ALK: variants seen among roughly 807,000 people sequenced by gnomAD.
The protein encoded by ALK is ALK tyrosine kinase receptor.
A neutral mutation model predicts 163.1 loss-of-function variants in ALK; 74 were observed. That is an observed-to-expected ratio of 0.45 (90% CI 0.38 to 0.55). ALK has a LOEUF of 0.55. Ranked by LOEUF, ALK falls within the 20% of genes least tolerant of loss-of-function variation. The pLI, the probability that ALK is intolerant of heterozygous loss-of-function variation, is 0.00. For synonymous variants in ALK, 960 were observed against 843.2 expected (o/e 1.14, Z -2.40); for missense variants, 2,063 against 2,105.3 (o/e 0.98, Z 0.39).
At chr2:29,777,723 AT>A in intron 1 of ALK, among the ~76,000 whole-genome samples, 2 of 152,308 alleles carry the variant, frequency 1.3e-5, no homozygotes, top group South Asian at 2.1e-4. Context: ...TGAACTCAGA[AT>A]GTCTAGGATG....
chr2:29,776,994 T>G (rs9973323), intron 1 of ALK, among the ~76,000 whole-genome samples: 10,747 of 152,050 alleles, frequency 0.071, 461 homozygotes, highest in South Asian at 0.12. Context: ...CAATCTACCA[T>G]CAACTAGCTC....
In ALK at chr2:29,227,599, G is replaced by A; in HGVS notation, c.2889C>T (p.Gly963=). The A allele has an allele frequency of 1.2e-6, 2 of 1,614,074 alleles. No homozygotes were observed. The highest frequency in any genetic ancestry group is 1.7e-6 in the Non-Finnish European group (2 of 1,179,984). ...CTTTTAAAGCTGGGGTGTACAGGAT[G>A]CCCAGTGGACTGATGAAGGAAACCC... ...EDGVSFISPL[G]ILYTPALKVM... Residue 963 remains glycine, a synonymous_variant, in exon 17 of 29, where the codon GGC becomes GGT. Transcript: ENST00000389048. The surrounding 1 kb of genome is among the most constrained non-coding windows in gnomAD (Gnocchi z 4.4).
chr2:29,452,278 G>T (rs901743209), intron 4 of ALK, among the ~76,000 whole-genome samples: 1 of 151,516 alleles, frequency 6.6e-6, no homozygotes, highest in African/African-American at 2.4e-5. Context: ...GGCTTTTGCT[G>T]TTGTATGCTT....
chr2:29,777,204 C>T (rs765432912), intron 1 of ALK, among the ~76,000 whole-genome samples: 1 of 152,186 alleles, frequency 6.6e-6, no homozygotes, highest in East Asian at 1.9e-4. Context: ...AGGAGAAAAT[C>T]AGAATCCTAT....
At chr2:29,202,449 C>T (rs1233052101) in intron 26 of ALK, among the ~76,000 whole-genome samples, 1 of 152,224 alleles carries the variant, frequency 6.6e-6, no homozygotes, top group Non-Finnish European at 1.5e-5. Context: ...AATCTTTTGT[C>T]TTATTCTTGT....
chr2:29,474,729 A>T (rs1358530666), intron 4 of ALK, among the ~76,000 whole-genome samples: 1 of 152,244 alleles, frequency 6.6e-6, no homozygotes, highest in East Asian at 1.9e-4. Context: ...TGCAGTACAG[A>T]AACGTATTCG....
chr2:29,747,671 G>A (rs1191843064), intron 1 of ALK, among the ~76,000 whole-genome samples: 1 of 152,214 alleles, frequency 6.6e-6, no homozygotes, highest in East Asian at 1.9e-4. Flanking sequence ...AAGAGCCCCA[G>A]AGACCATTTG....
intron 4 of ALK, among the ~76,000 whole-genome samples, chr2:29,504,635 T>A (rs1672266768): frequency 6.6e-6 from 1 of 151,538 alleles, no homozygotes; most frequent in Non-Finnish European, 1.5e-5. Context: ...TGAGGAAGAA[T>A]CGCAGCCTTG....
chr2:29,226,998 C>T lies in ALK; in HGVS notation c.2991G>A (p.Met997Ile), dbSNP rs1664020868. The change falls in exon 18 of 29, where the codon ATG becomes ATA. Residue 997 changes from methionine (M) to isoleucine (I), a missense_variant. Physicochemically the swap from Met to Ile is conservative, Grantham distance 10 (BLOSUM62 1). Transcript: ENST00000389048. ...AGATGACCTTGTGGCTTTCAGGGTC[C>T]ATGTGACATTCGTCTACCTCACAGT... ...CSHCEVDECH[M>I]DPESHKVICF... 1 of 1,614,058 alleles carries T rather than the reference C, an allele frequency of 6.2e-7. No individual in the cohort carries two copies. The highest frequency in any genetic ancestry group is 1.7e-5 in the Admixed American group (1 of 60,004).
chr2:29,800,407 T>G (rs1439205553), intron 1 of ALK, among the ~76,000 whole-genome samples: 1 of 152,206 alleles, frequency 6.6e-6, no homozygotes. Flanking sequence ...TTACTTGGTT[T>G]TATTGCGTTC....
chr2:29,528,655 G>A (rs1218487255), intron 4 of ALK, among the ~76,000 whole-genome samples: 1 of 152,132 alleles, frequency 6.6e-6, no homozygotes, highest in Non-Finnish European at 1.5e-5. Flanking sequence ...TGAGATGAAT[G>A]TTTGAACCCA....
At chr2:29,387,705 C>T (rs575639695) in intron 4 of ALK, among the ~76,000 whole-genome samples, 7 of 152,280 alleles carry the variant, frequency 4.6e-5, no homozygotes, top group African/African-American at 1.7e-4. Flanking sequence ...CTGAAATCTC[C>T]AATGGACAAA....
At chr2:29,640,722 T>G (rs193122420) in intron 3 of ALK, among the ~76,000 whole-genome samples, 378 of 152,296 alleles carry the variant, frequency 2.5e-3, no homozygotes, top group African/African-American at 8.7e-3. Context: ...AGGACAGTTA[T>G]GTCCTTTTGG....
chr2:29,303,371 GT>G (rs1482481146), intron 8 of ALK, among the ~76,000 whole-genome samples: 1 of 151,948 alleles, frequency 6.6e-6, no homozygotes, highest in Admixed American at 6.6e-5. Context: ...TTATTAAAAG[GT>G]AAAAAAAGAA....
At chr2:29,889,920 A>C (rs1667102815) in intron 1 of ALK, among the ~76,000 whole-genome samples, 1 of 152,158 alleles carries the variant, frequency 6.6e-6, no homozygotes. Flanking sequence ...CCTCTTGTGA[A>C]AGCAAGCTGA....
At chr2:29,461,929 G>T (rs774334101) in intron 4 of ALK, among the ~76,000 whole-genome samples, 5 of 152,102 alleles carry the variant, frequency 3.3e-5, no homozygotes, top group Non-Finnish European at 5.9e-5. Flanking sequence ...GAATATTTTT[G>T]ATTTGTAGCA....
intron 1 of ALK, among the ~76,000 whole-genome samples, chr2:29,892,807 A>T (rs1247628291): frequency 6.6e-6 from 1 of 152,214 alleles, no homozygotes; most frequent in Non-Finnish European, 1.5e-5. Context: ...CCAACTGTGT[A>T]TAATACTTCT....
chr2:29,601,310 C>T (rs1293502891), intron 3 of ALK, among the ~76,000 whole-genome samples: 2 of 152,196 alleles, frequency 1.3e-5, no homozygotes, highest in African/African-American at 2.4e-5. Context: ...AGCTCCAGTC[C>T]TATTTAATGA....
intron 4 of ALK, among the ~76,000 whole-genome samples, chr2:29,463,844 C>T (rs1671143370): frequency 6.6e-6 from 1 of 152,158 alleles, no homozygotes; most frequent in African/African-American, 2.4e-5. Flanking sequence ...CAGAAATCAT[C>T]AGGCTGAACA....
Sources: allele counts gnomAD v4.1 joint callset (sites outside exome capture counted in the v4.1 genomes callset), GRCh38; gene constraint gnomAD v4.1.1; non-coding constraint Gnocchi (gnomAD v3.1); transcripts MANE v1.5; gene names NCBI Gene and HGNC (gene_info 2026-07-23, HGNC 2026-07-21).